GRID1: variants seen among roughly 807,000 people sequenced by gnomAD.
GRID1 encodes the protein glutamate receptor ionotropic, delta-1.
A neutral mutation model predicts 98.0 loss-of-function variants in GRID1; 28 were observed. The observed-to-expected ratio is 0.29, with a 90% CI of 0.21 to 0.39. GRID1 has a LOEUF of 0.39. GRID1 is among the 10% of genes least tolerant of loss of function. GRID1 has a pLI of 1.00. For missense variants in GRID1, 1,111 were observed against 1,340.5 expected, an observed-to-expected ratio of 0.83 and a Z score of 2.67; for synonymous variants, 553 against 538.5, an observed-to-expected ratio of 1.03 and a Z score of -0.37.
chr10:85,689,765 A>C (rs1841312058), intron 12 of GRID1, among the ~76,000 whole-genome samples: 1 of 152,214 alleles, frequency 6.6e-6, no homozygotes, highest in South Asian at 2.1e-4. Context: ...CATTCAAAGG[A>C]AGAAAAATAA....
intron 2 of GRID1, among the ~76,000 whole-genome samples, chr10:86,305,065 C>T (rs1335570916): frequency 2.6e-5 from 4 of 151,552 alleles, no homozygotes; most frequent in African/African-American, 9.7e-5. Context: ...AAGCAGATTA[C>T]CTTCTATAGT....
intron 12 of GRID1, among the ~76,000 whole-genome samples, chr10:85,705,961 T>C (rs1841512748): frequency 1.3e-5 from 2 of 152,320 alleles, no homozygotes; most frequent in Admixed American, 1.3e-4. Flanking sequence ...GGGACGTATC[T>C]CAAAATAATA....
At chr10:85,981,300 G>A (rs1224820115) in intron 4 of GRID1, among the ~76,000 whole-genome samples, 1 of 152,200 alleles carries the variant, frequency 6.6e-6, no homozygotes, top group Non-Finnish European at 1.5e-5. Context: ...GACCTGTTTG[G>A]TTTTGCTCTA....
At chr10:85,938,976 C>G (rs941410587) in intron 4 of GRID1, among the ~76,000 whole-genome samples, 1 of 152,172 alleles carries the variant, frequency 6.6e-6, no homozygotes, top group Non-Finnish European at 1.5e-5. Context: ...TTCAAACCTG[C>G]CAAAGTTTGA....
At chr10:86,119,945 C>T (rs2131958147) in intron 4 of GRID1, among the ~76,000 whole-genome samples, 1 of 152,200 alleles carries the variant, frequency 6.6e-6, no homozygotes, top group Admixed American at 6.5e-5. Context: ...TACCCGCCAC[C>T]ATGCCCGGCT....
chr10:85,882,331 TA>T (rs1258237641), intron 5 of GRID1, among the ~76,000 whole-genome samples: 2 of 152,196 alleles, frequency 1.3e-5, no homozygotes, highest in African/African-American at 4.8e-5. Flanking sequence ...CACGTATGTT[TA>T]TTTTGGCACT....
At chr10:85,674,322 T>A (rs970888270) in intron 12 of GRID1, among the ~76,000 whole-genome samples, 47 of 152,060 alleles carry the variant, frequency 3.1e-4, no homozygotes, top group Non-Finnish European at 1.2e-4. Context: ...AAAGCCCCCC[T>A]CAGAACGGGT....
At chr10:86,249,066 A>C (rs1030615312) in intron 2 of GRID1, among the ~76,000 whole-genome samples, 70 of 152,136 alleles carry the variant, frequency 4.6e-4, no homozygotes, top group African/African-American at 1.5e-3. Flanking sequence ...ATCAGCACTT[A>C]ACTTTGGTGC....
At chr10:86,330,378 T>G (rs1848122227) in intron 2 of GRID1, among the ~76,000 whole-genome samples, 1 of 152,178 alleles carries the variant, frequency 6.6e-6, no homozygotes, top group Non-Finnish European at 1.5e-5. Flanking sequence ...GTTTGGACGC[T>G]GGGTCCAGCA....
At chr10:86,031,034 C>T (rs1268200193) in intron 4 of GRID1, among the ~76,000 whole-genome samples, 1 of 152,154 alleles carries the variant, frequency 6.6e-6, no homozygotes, top group Non-Finnish European at 1.5e-5. Context: ...GACACTGCCT[C>T]CTCAAACCCG....
chr10:85,828,628 A>G (rs1842840879), intron 8 of GRID1, among the ~76,000 whole-genome samples: 1 of 151,994 alleles, frequency 6.6e-6, no homozygotes, highest in Non-Finnish European at 1.5e-5. Context: ...ACTGAACTGA[A>G]ATGCAAAAAA....
chr10:86,103,811 CGA>C (rs112383273), intron 4 of GRID1, among the ~76,000 whole-genome samples: 15,846 of 151,908 alleles, frequency 0.1, 877 homozygotes, highest in Middle Eastern at 0.14. Flanking sequence ...AACCATGTCA[CGA>C]GAGAGAGAGA....
intron 4 of GRID1, among the ~76,000 whole-genome samples, chr10:85,953,684 G>A (rs771940242): frequency 3.3e-5 from 5 of 152,158 alleles, no homozygotes; most frequent in Non-Finnish European, 7.3e-5. Context: ...CCTATGAGGC[G>A]TTAAGTGCTT....
intron 4 of GRID1, among the ~76,000 whole-genome samples, chr10:86,129,812 C>T (rs1589381555): frequency 6.6e-6 from 1 of 152,334 alleles, no homozygotes; most frequent in East Asian, 1.9e-4. Context: ...ATGTGACTTT[C>T]CAGTTCCCCC....
intron 4 of GRID1, among the ~76,000 whole-genome samples, chr10:85,956,752 G>A (rs148809787): frequency 1.3e-4 from 20 of 152,278 alleles, no homozygotes; most frequent in African/African-American, 3.6e-4. Context: ...CATGGGAAGC[G>A]TCAATTTGAA....
intron 3 of GRID1, among the ~76,000 whole-genome samples, chr10:86,157,917 G>C (rs1302954546): frequency 6.6e-6 from 1 of 152,220 alleles, no homozygotes; most frequent in Non-Finnish European, 1.5e-5. Context: ...GGCTCCAGCT[G>C]CTCCCACAGG....
chr10:86,145,570 A>ACACACACACACACACACACC (rs1564689403), intron 3 of GRID1, among the ~76,000 whole-genome samples: 1 of 150,282 alleles, frequency 6.7e-6, no homozygotes, highest in Non-Finnish European at 1.5e-5. Context: ...ACACACACAC[A>ACACACACACACACACACACC]CCCTCCCTCC....
At chr10:85,918,199 GA>G (rs1357910600) in intron 4 of GRID1, among the ~76,000 whole-genome samples, 2 of 152,162 alleles carry the variant, frequency 1.3e-5, no homozygotes, top group Non-Finnish European at 2.9e-5. Flanking sequence ...CTGGAACACT[GA>G]ACTGAATCTA....
chr10:86,202,685 C>G (rs1845971286), intron 3 of GRID1, among the ~76,000 whole-genome samples: 1 of 152,244 alleles, frequency 6.6e-6, no homozygotes, highest in African/African-American at 2.4e-5. Context: ...CTGCCAAATT[C>G]TGTCTTGGAG....
Sources: allele counts gnomAD v4.1 joint callset (sites outside exome capture counted in the v4.1 genomes callset), GRCh38; gene constraint gnomAD v4.1.1; transcripts MANE v1.5; gene names NCBI Gene and HGNC (gene_info 2026-07-23, HGNC 2026-07-21).